The following ZNF385D variants were observed in gnomAD, a reference collection of about 807,000 sequenced individuals.
The protein encoded by ZNF385D is zinc finger protein 385D, also known as zinc finger protein 659.
A neutral mutation model predicts 35.8 loss-of-function variants in ZNF385D; 15 were observed. That is an observed-to-expected ratio of 0.42 (90% CI 0.28 to 0.64). ZNF385D has a LOEUF of 0.64. Ranked by LOEUF, ZNF385D falls within the 30% of genes least tolerant of loss-of-function variation. The pLI is 0.23. For missense variants in ZNF385D, 474 were observed against 494.6 expected, an observed-to-expected ratio of 0.96 and a Z score of 0.39; for synonymous variants, 212 against 186.8, an observed-to-expected ratio of 1.13 and a Z score of -1.10.
At chr3:22,024,302 C>T (rs1001019914) in intron 3 of ZNF385D, among the ~76,000 whole-genome samples, 4 of 151,964 alleles carry the variant, frequency 2.6e-5, no homozygotes, top group Non-Finnish European at 5.9e-5. Context: ...ACTTAATAAA[C>T]TCCCCTATAT....
intron 3 of ZNF385D, among the ~76,000 whole-genome samples, chr3:22,132,200 G>C (rs1429469073): frequency 1.3e-5 from 2 of 152,020 alleles, no homozygotes; most frequent in Admixed American, 1.3e-4. Flanking sequence ...TGGGTCACAA[G>C]GGTAGAACCC....
chr3:21,599,404 C>G (rs1182082630), intron 2 of ZNF385D, among the ~76,000 whole-genome samples: 2 of 152,142 alleles, frequency 1.3e-5, no homozygotes, highest in East Asian at 1.9e-4. Flanking sequence ...TTATACTTTA[C>G]TTTTAAAATA....
chr3:21,782,692 T>A lies in ZNF385D; in HGVS notation c.326-117664A>T, dbSNP rs542074632. On this transcript the variant is annotated intron_variant, in intron 3 of 5. Transcript: ENST00000494108. ...GTAACTCTATTTTTCTTAGGATTAT[T>A]TGGAGAATTAAATTGGACAAGATTT... Among the ~76,000 whole-genome samples, 39 of 152,268 alleles carry A rather than the reference T, an allele frequency of 2.6e-4. 1 individual carries two copies. Among genetic ancestry groups the A allele is most frequent in the African/African-American group, 8.2e-4 (34 of 41,560 alleles).
chr3:22,225,352 C>G (rs911632148), intron 2 of ZNF385D, among the ~76,000 whole-genome samples: 4 of 152,132 alleles, frequency 2.6e-5, no homozygotes, highest in Non-Finnish European at 1.5e-5. Context: ...CTGAGGCTCT[C>G]GTGTAACCCG....
intron 3 of ZNF385D, among the ~76,000 whole-genome samples, chr3:22,153,595 C>G (rs999470120): frequency 2.0e-5 from 3 of 151,390 alleles, no homozygotes; most frequent in African/African-American, 7.3e-5. Flanking sequence ...TCCTGAGTAG[C>G]TGGGATTAAA....
chr3:21,568,202 C>G (rs933701619), intron 2 of ZNF385D, among the ~76,000 whole-genome samples: 2 of 151,942 alleles, frequency 1.3e-5, no homozygotes, highest in Non-Finnish European at 2.9e-5. Context: ...ATCATTCACA[C>G]GTATATATCT....
chr3:22,321,185 T>C (rs1408012943), intron 2 of ZNF385D, among the ~76,000 whole-genome samples: 3 of 142,378 alleles, frequency 2.1e-5, no homozygotes, highest in Non-Finnish European at 4.6e-5. Flanking sequence ...TTTTTTTTTT[T>C]CATTTTCTGG....
At chr3:22,146,984 C>T (rs1167243855) in intron 3 of ZNF385D, among the ~76,000 whole-genome samples, 3 of 151,966 alleles carry the variant, frequency 2.0e-5, no homozygotes, top group East Asian at 1.9e-4. Context: ...GCTAATCAAA[C>T]GAAACAAAAT....
At chr3:21,734,718 G>A (rs1282778138) in intron 1 of ZNF385D, among the ~76,000 whole-genome samples, 2 of 152,086 alleles carry the variant, frequency 1.3e-5, no homozygotes, top group African/African-American at 2.4e-5. Context: ...ACCTAGATAA[G>A]AAATTTGGAC....
rs146127770 is a variant in ZNF385D, at chr3:21,982,835, T to C, written c.325+185982A>G. 5.2e-4 allele frequency among the ~76,000 whole-genome samples: 78 copies of C among 151,028 alleles called. No homozygotes were observed. The South Asian group carries it at 5.6e-3, about 11-fold the overall frequency. ...TTGAAAGCCTTTTTTTTTGCATCTA[T>C]TGAGATAATCATGTGGGTTTTTTTT... On this transcript the variant is annotated intron_variant, in intron 3 of 5. Transcript: ENST00000494108.
chr3:21,734,653 T>G (rs2125500832), intron 1 of ZNF385D, among the ~76,000 whole-genome samples: 1 of 152,208 alleles, frequency 6.6e-6, no homozygotes, highest in East Asian at 1.9e-4. Context: ...AAGGAGAGTT[T>G]CGTAAAAATA....
Position 21,970,328 on chromosome 3 carries a change from G to A in ZNF385D, c.325+198489C>T, listed in dbSNP as rs150423639. Reference sequence around the variant, plus strand: ...AGAAATTTAAGATAATTCAGAGAAGGAATTCAGAATCCTATTAGATAAACT... The same window carrying A: ...AGAAATTTAAGATAATTCAGAGAAGAAATTCAGAATCCTATTAGATAAACT... On this transcript the variant is annotated intron_variant, in intron 3 of 5. Coordinates refer to the ZNF385D transcript ENST00000494108. Among the ~76,000 whole-genome samples the A allele has an allele frequency of 3.0e-3, 449 of 152,098 alleles. 5 individuals are homozygous for A. Among genetic ancestry groups the A allele is most frequent in the East Asian group, 0.011 (56 of 5,164 alleles).
chr3:21,798,076 G>A (rs192798114), intron 3 of ZNF385D, among the ~76,000 whole-genome samples: 11 of 152,312 alleles, frequency 7.2e-5, no homozygotes, highest in Non-Finnish European at 1.5e-4. Context: ...TGTAACAAAT[G>A]TACCTCTCTG....
chr3:21,514,551 G>A (rs967948981), intron 3 of ZNF385D, among the ~76,000 whole-genome samples: 2 of 151,952 alleles, frequency 1.3e-5, no homozygotes, highest in South Asian at 2.1e-4. Flanking sequence ...AACAAGTAGC[G>A]GAATCTAAAT....
chr3:21,794,219 G>A (rs981475709), intron 3 of ZNF385D, among the ~76,000 whole-genome samples: 3 of 151,994 alleles, frequency 2.0e-5, no homozygotes, highest in Non-Finnish European at 4.4e-5. Flanking sequence ...TGGGGAGTAG[G>A]AGTGTAGTCA....
chr3:22,310,333 A>T (rs762970613), intron 2 of ZNF385D, among the ~76,000 whole-genome samples: 3 of 151,998 alleles, frequency 2.0e-5, no homozygotes, highest in Non-Finnish European at 1.5e-5. Flanking sequence ...GCTGTTACAT[A>T]AAAGGGCCTA....
intron 1 of ZNF385D, among the ~76,000 whole-genome samples, chr3:21,702,108 A>C (rs1033273616): frequency 1.3e-5 from 2 of 152,188 alleles, no homozygotes; most frequent in East Asian, 3.9e-4. Context: ...CTCTGACCCC[A>C]TATTTCCCTT....
At chr3:21,905,330 T>C (rs1699626609) in intron 3 of ZNF385D, among the ~76,000 whole-genome samples, 2 of 151,806 alleles carry the variant, frequency 1.3e-5, no homozygotes, top group Non-Finnish European at 1.5e-5. Flanking sequence ...CTGTGATTAA[T>C]ATTTTAGAGA....
At position 21,511,328 on chromosome 3, in the gene ZNF385D, A is replaced by G. The variant is rs573041957; in HGVS notation, c.277-305T>C. 2.0e-4 allele frequency among the ~76,000 whole-genome samples: 31 copies of G among 152,320 alleles called. 1 individual carries two copies. In the South Asian group the frequency reaches 6.2e-3, roughly 31 times the overall value. The stretch of plus-strand genomic sequence containing the variant: ...AAAAAAAATAAGAATTTACACCTGT[A>G]TCATCTTTGTTCTGCCACAGAAGAT... On this transcript the variant is annotated intron_variant, in intron 3 of 7. Transcript: ENST00000281523.
Sources: allele counts gnomAD v4.1 joint callset (sites outside exome capture counted in the v4.1 genomes callset), GRCh38; gene constraint gnomAD v4.1.1; transcripts MANE v1.5; gene names NCBI Gene and HGNC (gene_info 2026-07-23, HGNC 2026-07-21).